The following CNTN5 variants were observed in gnomAD, a reference collection of about 807,000 sequenced individuals.
CNTN5 encodes the protein contactin 5.
CNTN5 carries 77 observed loss-of-function variants against 129.1 expected under a neutral mutation model. That is an observed-to-expected ratio of 0.60 (90% CI 0.50 to 0.72). The LOEUF is 0.72. Among genes scored for constraint, CNTN5 ranks in the 30% least tolerant of loss-of-function variants. The probability of loss-of-function intolerance (pLI) is 0.00; values close to 1 mark genes in which losing one functional copy is unlikely to be tolerated. For missense variants in CNTN5, 1,478 were observed against 1,328.8 expected (o/e 1.11, Z -1.75); for synonymous variants, 509 against 465.6 (o/e 1.09, Z -1.20).
At chr11:100,052,946 A>C (rs1254799754) in intron 9 of CNTN5, among the ~76,000 whole-genome samples, 1 of 151,760 alleles carries the variant, frequency 6.6e-6, no homozygotes, top group African/African-American at 2.4e-5. Context: ...CACTTTATTC[A>C]ATAGGGAAAG....
At chr11:99,190,131 ACAT>A in intron 1 of CNTN5, among the ~76,000 whole-genome samples, 1 of 151,760 alleles carries the variant, frequency 6.6e-6, no homozygotes, top group East Asian at 1.9e-4. Context: ...AGCTGTCCCA[ACAT>A]CATTTATTGA....
chr11:100,190,478 C>A (rs919369708), intron 13 of CNTN5, among the ~76,000 whole-genome samples: 1 of 152,006 alleles, frequency 6.6e-6, no homozygotes, highest in Non-Finnish European at 1.5e-5. Context: ...TTTTTAACAA[C>A]GCTTTAATTT....
chr11:100,304,551 G>C (rs1951303078), intron 20 of CNTN5, among the ~76,000 whole-genome samples: 2 of 151,588 alleles, frequency 1.3e-5, no homozygotes, highest in Non-Finnish European at 3.0e-5. Context: ...GTGATGACGG[G>C]GGTCTAGATG....
chr11:100,158,684 T>G (rs1175078800), intron 13 of CNTN5, among the ~76,000 whole-genome samples: 3 of 151,842 alleles, frequency 2.0e-5, no homozygotes, highest in Non-Finnish European at 4.4e-5. Flanking sequence ...AACATTTTAA[T>G]AATCTGAAAA....
chr11:99,696,780 G>T (rs753871916), intron 3 of CNTN5, among the ~76,000 whole-genome samples: 8 of 152,126 alleles, frequency 5.3e-5, no homozygotes, highest in Non-Finnish European at 1.0e-4. Flanking sequence ...TGGTTTGGCA[G>T]TGTCCGAAAA....
At chr11:99,787,752 T>C (rs984827606) in intron 3 of CNTN5, among the ~76,000 whole-genome samples, 8 of 151,984 alleles carry the variant, frequency 5.3e-5, no homozygotes, top group Non-Finnish European at 1.2e-4. Context: ...GAAAAAAATA[T>C]ATCAGACATG....
intron 8 of CNTN5, among the ~76,000 whole-genome samples, chr11:100,000,908 G>T (rs1939825380): frequency 6.6e-6 from 1 of 152,134 alleles, no homozygotes; most frequent in Non-Finnish European, 1.5e-5. Flanking sequence ...TTTAGCCATG[G>T]CTGGAGTTGG....
intron 15 of CNTN5, among the ~76,000 whole-genome samples, chr11:100,204,035 C>T (rs978689813): frequency 2.6e-5 from 4 of 151,506 alleles, no homozygotes; most frequent in Admixed American, 6.6e-5. Flanking sequence ...AGTCCTTTCC[C>T]AGTGCTTCCA....
At position 100,354,605 on chromosome 11, in the gene CNTN5, G is replaced by A. The variant is rs935735575; in HGVS notation, c.3200-1512G>A. Among the ~76,000 whole-genome samples, 3 of 151,606 alleles carry A rather than the reference G, an allele frequency of 2.0e-5. No individual in the cohort carries two copies. In the Admixed American group the frequency reaches 2.0e-4, roughly 10 times the overall value. ...TTTAAAATTTACTAGAGTAAGCATA[G>A]TCATGTATTTCTTAATGATGAGGAT... On this transcript the variant is annotated intron_variant, in intron 24 of 24. Coordinates refer to ENST00000524871, the MANE Select transcript of CNTN5 (RefSeq NM_014361.4).
chr11:100,322,000 T>G (rs181584134), intron 21 of CNTN5, among the ~76,000 whole-genome samples: 10 of 152,182 alleles, frequency 6.6e-5, no homozygotes, highest in East Asian at 1.9e-4. Context: ...ATAGATATTT[T>G]TGTGTGTGTG....
chr11:99,899,226 T>G (rs1453587), intron 6 of CNTN5, among the ~76,000 whole-genome samples: 14,291 of 152,056 alleles, frequency 0.094, 1,503 homozygotes, highest in African/African-American at 0.26. Context: ...TTTCTTTCTC[T>G]TACGTGATAG....
intron 6 of CNTN5, among the ~76,000 whole-genome samples, chr11:99,908,516 A>G (rs1490672458): frequency 6.6e-6 from 1 of 151,970 alleles, no homozygotes; most frequent in East Asian, 1.9e-4. Flanking sequence ...CTGAATTTGG[A>G]AAAAAATGAA....
chr11:99,938,401 A>G (rs1021805175), intron 7 of CNTN5, among the ~76,000 whole-genome samples: 1 of 152,206 alleles, frequency 6.6e-6, no homozygotes, highest in East Asian at 1.9e-4. Context: ...CTTATTATAT[A>G]CATAGGTACT....
chr11:99,148,552 T>A (rs1859896728), intron 1 of CNTN5, among the ~76,000 whole-genome samples: 1 of 152,138 alleles, frequency 6.6e-6, no homozygotes, highest in Admixed American at 6.6e-5. Flanking sequence ...ATATGCCTTA[T>A]GTGAAAATGA....
intron 21 of CNTN5, among the ~76,000 whole-genome samples, chr11:100,311,193 C>A (rs763868725): frequency 1.5e-4 from 22 of 151,696 alleles, no homozygotes; most frequent in Non-Finnish European, 2.4e-4. Flanking sequence ...AGAAGTGGAC[C>A]TTTTAAAATA....
intron 7 of CNTN5, among the ~76,000 whole-genome samples, chr11:99,924,498 T>C (rs996110810): frequency 5.9e-5 from 9 of 151,356 alleles, no homozygotes; most frequent in Non-Finnish European, 1.3e-4. Flanking sequence ...GAATAGGGTA[T>C]CCTTTCCCTA....
At chr11:99,779,753 G>A (rs1314699704) in intron 3 of CNTN5, among the ~76,000 whole-genome samples, 3 of 151,968 alleles carry the variant, frequency 2.0e-5, no homozygotes, top group African/African-American at 2.4e-5. Flanking sequence ...CTGCTCAAAG[G>A]AAGTTCTTAT....
At chr11:99,130,506 G>T (rs71474509) in intron 1 of CNTN5, among the ~76,000 whole-genome samples, 13,438 of 152,064 alleles carry the variant, frequency 0.088, 751 homozygotes, top group Non-Finnish European at 0.13. Context: ...ACCCCCACAC[G>T]ATAATAGTGG....
chr11:100,182,390 G>A (rs1948163905), intron 13 of CNTN5, among the ~76,000 whole-genome samples: 1 of 151,426 alleles, frequency 6.6e-6, no homozygotes, highest in Non-Finnish European at 1.5e-5. Flanking sequence ...TCAGAGAGCA[G>A]AGAGAGAGAG....
Sources: gnomAD v4.1 joint callset for allele counts (sites outside exome capture counted in the v4.1 genomes callset) on GRCh38, gnomAD v4.1.1 for gene constraint, MANE v1.5 for transcripts, NCBI Gene and HGNC (gene_info 2026-07-23, HGNC 2026-07-21) for gene names.